Variants in FANCA observed in about 807,000 individuals in gnomAD.
FANCA encodes the protein FA complementation group A.
FANCA carries 236 observed loss-of-function variants against 194.3 expected under a neutral mutation model. The ratio of observed to expected loss-of-function variants is 1.21; its 90% CI spans 1.09 to 1.35. The LOEUF (loss-of-function observed/expected upper bound fraction) is 1.35, where lower values mean the gene tolerates loss of function less well. FANCA is among the 40% of genes most tolerant of loss of function. The probability of loss-of-function intolerance (pLI) is 0.00; values close to 1 mark genes in which losing one functional copy is unlikely to be tolerated. For synonymous variants in FANCA, 1,014 were observed against 715.8 expected (o/e 1.42, Z -6.65); for missense variants, 2,628 against 1,813.9 (o/e 1.45, Z -8.15).
chr16:89,799,407 T>C (rs2040362745), intron 9 of FANCA, among the ~76,000 whole-genome samples, 175 bp from the exon 10 acceptor site: 1 of 152,192 alleles, frequency 6.6e-6, no homozygotes, highest in Admixed American at 6.5e-5. Context: ...AAGAAAATGC[T>C]TCCCTGTGAC....
rs192188499 is a variant in FANCA at position 89,740,092 on chromosome 16, G to C, written c.3836C>G (p.Thr1279Arg). The C allele has an allele frequency of 1.9e-6, 3 of 1,614,022 alleles. No homozygotes were observed. In the African/African-American group the frequency reaches 4.0e-5, roughly 22 times the overall value. Reference sequence around the variant, plus strand: ...AACGTGGAAAGCCTTTGGCAGGTCTGTGGTGCTCTGTAAACCGCAGGAGAC... The same window carrying C: ...AACGTGGAAAGCCTTTGGCAGGTCTCTGGTGCTCTGTAAACCGCAGGAGAC... ...LSSHLTSNST[T>R]DLPKAFHVCA... is the part of the protein sequence containing the mutation. The change falls in exon 39 of 43, where the codon ACA becomes AGA. Residue 1279 changes from threonine to arginine, a missense_variant. By Grantham distance (71) the Thr-to-Arg change is moderately conservative. Coordinates refer to ENST00000389301, the MANE Select transcript of FANCA (RefSeq NM_000135.4).
chr16:89,752,986 C>G (rs992672787), intron 30 of FANCA, among the ~76,000 whole-genome samples: 4 of 152,212 alleles, frequency 2.6e-5, no homozygotes, highest in Non-Finnish European at 5.9e-5. Context: ...GGAGGCCTCA[C>G]CGTCTCCCTG....
intron 27 of FANCA, among the ~76,000 whole-genome samples, chr16:89,765,383 G>A (rs1376851860): frequency 4.0e-5 from 6 of 151,200 alleles, no homozygotes; most frequent in South Asian, 2.1e-4. Context: ...ACAACCCCAC[G>A]TTCAGGGGAC....
rs2040094709 is a variant in FANCA, at chr16:89,792,068, G to C, written c.1084C>G (p.Leu362Val). 3 of 1,614,184 alleles carry C rather than the reference G, an allele frequency of 1.9e-6. No homozygotes were observed. Among genetic ancestry groups the C allele is most frequent in the African/African-American group, 1.3e-5 (1 of 75,056 alleles). Residue 362 changes from leucine to valine, a missense_variant and splice_region_variant, in exon 13 of 43, where the codon CTC (leucine) becomes GTC (valine). Transcript: ENST00000389301. Reference sequence around the variant, plus strand: ...TCCTCTGCACTCAGCATCACAAAGAGCTGAAATAAAAGCATCCGCTCCCTT... The same window carrying C: ...TCCTCTGCACTCAGCATCACAAAGACCTGAAATAAAAGCATCCGCTCCCTT... ...HPLLTSLYRR[L>V]FVMLSAEELV...
At position 89,784,870 on chromosome 16, in the gene FANCA, G is replaced by A. The variant is rs760790832; in HGVS notation, c.1454C>T (p.Ser485Phe). The A allele has an allele frequency of 6.2e-7, 1 of 1,613,502 alleles. No homozygotes were observed. The highest frequency in any genetic ancestry group is 8.5e-7 in the Non-Finnish European group (1 of 1,179,520). ...TFLSELVPFE[S>F]PRYLQVHILH... Reference sequence around the variant, plus strand: ...GCTTCTCACCTGCAGGTACCGGGGAGACTCAAAAGGCACGAGTTCTGACAA... The same window carrying A: ...GCTTCTCACCTGCAGGTACCGGGGAAACTCAAAAGGCACGAGTTCTGACAA... The change falls in exon 15 of 43, where the codon TCT becomes TTT. Residue 485 changes from serine (S) to phenylalanine (F), a missense_variant. By Grantham distance (155) the Ser-to-Phe change is radical. Transcript: ENST00000389301.
chr16:89,807,452 C>CA (rs2040699282), intron 6 of FANCA, among the ~76,000 whole-genome samples: 1 of 150,150 alleles, frequency 6.7e-6, no homozygotes, highest in Non-Finnish European at 1.5e-5. Context: ...GTCTCTGTCT[C>CA]AAAAAGAAAA....
intron 24 of FANCA, 144 bp downstream of exon 24, chr16:89,770,420 C>A: frequency 9.9e-7 from 1 of 1,012,302 alleles, no homozygotes; most frequent in East Asian, 2.6e-5. Flanking sequence ...TTCCCAACTT[C>A]TGCTGCGTCC....
chr16:89,805,353 C>G lies in FANCA; in HGVS notation c.636G>C (p.Arg212Ser), dbSNP rs1240178880. ...DMHAVGSWLF[R>S]NLCCLCEQME... ...TCTGTTCACAAAGGCAGCACAGATT[C>G]CTGAAGAGCCACGATCCCACAGCAT... Residue 212 changes from arginine to serine, a missense_variant, in exon 7 of 43, where the codon AGG becomes AGC. Arg to Ser is a moderately radical substitution (Grantham distance 110). Transcript: ENST00000389301. The G allele has an allele frequency of 6.2e-7, 1 of 1,614,038 alleles. No homozygotes were observed. Among genetic ancestry groups the G allele is most frequent in the Non-Finnish European group, 8.5e-7 (1 of 1,179,972 alleles).
At chr16:89,768,696 A>AAC (rs2039215370) in intron 26 of FANCA, among the ~76,000 whole-genome samples, 1 of 152,044 alleles carries the variant, frequency 6.6e-6, no homozygotes, top group Non-Finnish European at 1.5e-5. Flanking sequence ...AAAAAAACAA[A>AAC]ACACACACCA....
Position 89,758,649 on chromosome 16 carries a change from G to C in FANCA, c.2909C>G (p.Ser970Ter). 6.2e-7 allele frequency: 1 copy of C among 1,614,086 alleles called. No individual in the cohort carries two copies. The change falls in exon 30 of 43, where the codon TCA becomes TGA. Residue 970 changes from serine (S) to a stop codon, truncating the protein, a stop_gained. Transcript: ENST00000389301. LOFTEE classifies it high-confidence loss of function. ...CTGCAGGTCTCCGTCACAGCCCCCT[G>C]AAGCCGAGGACTCAGGGAGAAAGTG... ...HEHFLPESSA[S>*]GGCDGDLQAA... is the part of the protein sequence containing the mutation.
chr16:89,813,765 T>C (rs907888658), intron 3 of FANCA, among the ~76,000 whole-genome samples: 1 of 151,580 alleles, frequency 6.6e-6, no homozygotes, highest in Non-Finnish European at 1.5e-5. Context: ...TTGTTTCCAA[T>C]GTGTCTCCAT....
At chr16:89,741,066 C>T (rs1369498491) in intron 37 of FANCA, among the ~76,000 whole-genome samples, 200 bp from the exon 38 acceptor site, 2 of 152,344 alleles carry the variant, frequency 1.3e-5, no homozygotes, top group Admixed American at 6.5e-5. Context: ...GGTCATTTCA[C>T]ACTTGCCTTT....
In FANCA at chr16:89,770,616, TCAG is replaced by T. The variant is rs1567618907; in HGVS notation, c.2167_2169del (p.Leu723del). The T allele has an allele frequency of 3.1e-6, 5 of 1,611,320 alleles. No homozygotes were observed. Among genetic ancestry groups the T allele is most frequent in the Non-Finnish European group, 4.2e-6 (5 of 1,178,858 alleles). ...GCCATCAGGTTCTGACAGAAAGACGTCAGCAGGAGGTCCACAGCCTGCAGAGAC... is the reference window on the plus strand; with the variant it reads ...GCCATCAGGTTCTGACAGAAAGACGTCAGGAGGTCCACAGCCTGCAGAGAC... On this transcript the variant is annotated inframe_deletion, in exon 24 of 43. Coordinates refer to ENST00000389301, the MANE Select transcript of FANCA (RefSeq NM_000135.4).
chr16:89,796,333 C>T lies in FANCA; in HGVS notation c.894-315G>A, dbSNP rs931233237. Among the ~76,000 whole-genome samples the T allele has an allele frequency of 3.3e-5, 5 of 152,232 alleles. No homozygotes were observed. In the East Asian group the frequency reaches 7.8e-4, roughly 24 times the overall value. On this transcript the variant is annotated intron_variant, in intron 10 of 42. Coordinates refer to ENST00000389301, the MANE Select transcript of FANCA (RefSeq NM_000135.4). ...ACAGGTTGGGAAGGGCAGGCCGCGC[C>T]GCACCCGGGAGTGGAGCCCCGGGAG...
chr16:89,803,282 C>G lies in FANCA; in HGVS notation c.769G>C (p.Val257Leu). 1 of 1,614,204 alleles carries G rather than the reference C, an allele frequency of 6.2e-7. No individual in the cohort carries two copies. Residue 257 changes from valine to leucine, a missense_variant, in exon 8 of 43, where the codon GTG becomes CTG. Val to Leu is a conservative substitution (Grantham distance 32). Coordinates refer to ENST00000389301, the MANE Select transcript of FANCA (RefSeq NM_000135.4). ...FQKNSDLRRTVEPEKMPQVTV... is the reference protein window; with the variant it reads ...FQKNSDLRRTLEPEKMPQVTV... ...ACCTGCGGCATTTTTTCAGGCTCCACAGTTCTTCTCAGATCTGAGTTTTTC... is the reference window on the plus strand; with the variant it reads ...ACCTGCGGCATTTTTTCAGGCTCCAGAGTTCTTCTCAGATCTGAGTTTTTC...
chr16:89,770,278 A>T lies in FANCA; in HGVS notation c.2223-19T>A. Reference sequence around the variant, plus strand: ...ACCCTGCCTGCAGAGACAGCCGTGAAACCATCAGTACTAGCCATTCAGTCC... The same window carrying T: ...ACCCTGCCTGCAGAGACAGCCGTGATACCATCAGTACTAGCCATTCAGTCC... On this transcript the variant is annotated intron_variant, in intron 24 of 42. Transcript: ENST00000389301. The T allele has an allele frequency of 6.4e-7, 1 of 1,555,486 alleles. No individual in the cohort carries two copies. The highest frequency in any genetic ancestry group is 8.7e-7 in the Non-Finnish European group (1 of 1,147,462).
rs17227389 is a variant in FANCA, at chr16:89,739,265, G to A, written c.4035C>T (p.Asp1345=). 6.9e-5 allele frequency: 112 copies of A among 1,614,052 alleles called. No individual in the cohort carries two copies. The highest frequency in any genetic ancestry group is 6.3e-4 in the Admixed American group (38 of 60,008). ...FYSLLSYFHE[D]AAIREEAFLH... is the part of the protein sequence containing the mutation. The stretch of plus-strand genomic sequence containing the variant: ...GGAAGGCCTCTTCCCTGATGGCCGC[G>A]TCTTCATGGAAGTAGGAGAGAAGAC... The change falls in exon 41 of 43, where the codon GAC becomes GAT. Residue 1345 remains aspartate (D), a synonymous_variant. Coordinates refer to ENST00000389301, the MANE Select transcript of FANCA (RefSeq NM_000135.4).
chr16:89,780,157 T>A (rs749342787), intron 17 of FANCA, among the ~76,000 whole-genome samples, 200 bp from the exon 18 acceptor site: 29 of 152,108 alleles, frequency 1.9e-4, no homozygotes, highest in Admixed American at 1.8e-3. Context: ...CAGGGGAGGA[T>A]GACACTGCCA....
At chr16:89,770,797 G>A (rs2039297955) in intron 23 of FANCA, among the ~76,000 whole-genome samples, 163 bp from the exon 24 acceptor site, 1 of 152,122 alleles carries the variant, frequency 6.6e-6, no homozygotes. Context: ...TGGTGCCCAG[G>A]GCCCCCATTC....
Sources: allele counts gnomAD v4.1 joint callset (sites outside exome capture counted in the v4.1 genomes callset), GRCh38; gene constraint gnomAD v4.1.1; transcripts MANE v1.5; gene names NCBI Gene and HGNC (gene_info 2026-07-23, HGNC 2026-07-21).